INPP5F: variants seen among roughly 807,000 people sequenced by gnomAD.
INPP5F encodes inositol polyphosphate-5-phosphatase F, also known as phosphatidylinositide 4-phosphatase SAC2.
A neutral mutation model predicts 137.2 loss-of-function variants in INPP5F; 97 were observed. The ratio of observed to expected loss-of-function variants is 0.71; its 90% confidence interval spans 0.60 to 0.84. The LOEUF is 0.84. INPP5F is among the 40% of genes least tolerant of loss of function. INPP5F has a pLI of 0.00. For synonymous variants in INPP5F, 504 were observed against 476.9 expected (o/e 1.06, Z -0.74); for missense variants, 1,271 against 1,371.9 (o/e 0.93, Z 1.16).
chr10:119,789,455 C>G (rs1281680709), intron 3 of INPP5F, among the ~76,000 whole-genome samples: 1 of 152,124 alleles, frequency 6.6e-6, no homozygotes, highest in Non-Finnish European at 1.5e-5. Flanking sequence ...TTTAAAACTG[C>G]TGCTCTGCTG....
chr10:119,819,448 C>T, intron 15 of INPP5F: 1 of 1,554,240 alleles, frequency 6.4e-7, no homozygotes, highest in Non-Finnish European at 8.7e-7. Context: ...ATGAAAGTAA[C>T]ACTGTAATTA....
chr10:119,810,746 A>G (rs1194119431), intron 14 of INPP5F, among the ~76,000 whole-genome samples: 3 of 152,234 alleles, frequency 2.0e-5, no homozygotes, highest in Admixed American at 2.0e-4. Context: ...ATTGCCCAGT[A>G]GAATGTATGC....
chr10:119,792,912 C>T (rs1850199818), intron 6 of INPP5F, among the ~76,000 whole-genome samples: 1 of 152,022 alleles, frequency 6.6e-6, no homozygotes, highest in Non-Finnish European at 1.5e-5. Flanking sequence ...AAATTTCACA[C>T]CTTTTCCTTT....
chr10:119,745,236 C>T (rs940932001), intron 1 of INPP5F, among the ~76,000 whole-genome samples: 2 of 152,234 alleles, frequency 1.3e-5, no homozygotes, highest in South Asian at 4.2e-4. Flanking sequence ...CACATAGCTT[C>T]TTTTGAGGAC....
At position 119,827,049 on chromosome 10, in the gene INPP5F, C is replaced by T. The variant is rs1169450936; in HGVS notation, c.2668C>T (p.Pro890Ser). 1 of 1,613,872 alleles carries T rather than the reference C, an allele frequency of 6.2e-7. No individual in the cohort carries two copies. The highest frequency in any genetic ancestry group is 8.5e-7 in the Non-Finnish European group (1 of 1,179,980). Reference sequence around the variant, plus strand: ...TGTAGGGCCAATAGATTACGTTCTTCCTAGTTGTGGTATTATTGCCTCAGC... The same window carrying T: ...TGTAGGGCCAATAGATTACGTTCTTTCTAGTTGTGGTATTATTGCCTCAGC... ...ESVGPIDYVL[P>S]SCGIIASAPR... Residue 890 changes from proline to serine, a missense_variant, in exon 20 of 20, where the codon CCT (proline) becomes TCT (serine). By Grantham distance (74) the Pro-to-Ser change is moderately conservative (BLOSUM62 -1). Around this residue, in one of 6 missense-constraint regions of INPP5F, gnomAD observed 490 missense variants for 443.7 expected, o/e 1.10. Coordinates refer to ENST00000650623, the MANE Select transcript of INPP5F (RefSeq NM_014937.4).
At chr10:119,757,017 C>T (rs530576541) in intron 2 of INPP5F, among the ~76,000 whole-genome samples, 32 of 152,112 alleles carry the variant, frequency 2.1e-4, no homozygotes, top group Non-Finnish European at 4.0e-4. Context: ...GTCTGTCTTC[C>T]GACAACTCAA....
intron 19 of INPP5F, among the ~76,000 whole-genome samples, chr10:119,825,507 G>T (rs978896833): frequency 6.6e-6 from 1 of 152,096 alleles, no homozygotes; most frequent in Admixed American, 6.6e-5. Context: ...CAAGAGAACC[G>T]GTCTGAGAGC....
At chr10:119,797,401 C>A in intron 7 of INPP5F, 60 bp from the exon 8 acceptor site, 1 of 1,312,936 alleles carries the variant, frequency 7.6e-7, no homozygotes, top group Non-Finnish European at 1.1e-6. Context: ...GAAGCATAAT[C>A]TAGCCAGACT....
At chr10:119,822,257 ATTC>A (rs1224190720) in intron 16 of INPP5F, among the ~76,000 whole-genome samples, 171 bp from the exon 17 acceptor site, 1 of 152,104 alleles carries the variant, frequency 6.6e-6, no homozygotes, top group East Asian at 1.9e-4. Context: ...TATATATGTT[ATTC>A]TTGTTTAATT....
In INPP5F at chr10:119,734,187, T is replaced by C. The variant is rs534247052; in HGVS notation, c.97+7828T>C. 1.2e-4 allele frequency among the ~76,000 whole-genome samples: 18 copies of C among 152,346 alleles called. No homozygotes were observed. In the South Asian group the frequency reaches 3.3e-3, roughly 28 times the overall value. ...GGACCCATAGACATCTTTGTTTTTTTCCAAACCGGCCCTTGTGCAGAGAAG... is the reference window on the plus strand; with the variant it reads ...GGACCCATAGACATCTTTGTTTTTTCCCAAACCGGCCCTTGTGCAGAGAAG... On this transcript the variant is annotated intron_variant, in intron 1 of 19. Transcript: ENST00000650623.
intron 2 of INPP5F, among the ~76,000 whole-genome samples, chr10:119,777,546 T>C (rs748005294): frequency 3.3e-5 from 5 of 151,952 alleles, no homozygotes; most frequent in Non-Finnish European, 7.4e-5. Context: ...ATAAATAAAA[T>C]AATATAAGTT....
intron 1 of INPP5F, among the ~76,000 whole-genome samples, chr10:119,728,974 A>C (rs1847971113): frequency 6.6e-6 from 1 of 152,088 alleles, no homozygotes; most frequent in Non-Finnish European, 1.5e-5. Flanking sequence ...TTTACTCCTC[A>C]TCTTGGTGTC....
chr10:119,781,519 T>C, intron 2 of INPP5F, 116 bp from the exon 3 acceptor site: 1 of 861,594 alleles, frequency 1.2e-6, no homozygotes, highest in East Asian at 2.8e-5. Context: ...ACTTTAAAAG[T>C]TTATTTTGGA....
intron 11 of INPP5F, 98 bp downstream of exon 11, chr10:119,805,559 T>A: frequency 2.3e-6 from 2 of 858,306 alleles, no homozygotes; most frequent in South Asian, 3.0e-5. Flanking sequence ...GACAGCATTT[T>A]TTTTTGTTCG....
chr10:119,754,799 C>T lies in INPP5F; in HGVS notation c.178+3643C>T, dbSNP rs138744133. Among the ~76,000 whole-genome samples, 396 of 152,200 alleles carry T rather than the reference C, an allele frequency of 2.6e-3. 1 individual carries two copies. Among genetic ancestry groups the T allele is most frequent in the African/African-American group, 8.7e-3 (361 of 41,508 alleles). ...CATCTGTCCTCAGGGATGCCTCCTC[C>T]TCTCCTCTCCCTGCCCCCGATTAAA... On this transcript the variant is annotated intron_variant, in intron 2 of 19. Transcript: ENST00000650623.
rs1851048134 is a variant in INPP5F, at chr10:119,811,871, A to C, written c.1802A>C (p.Gln601Pro). The C allele has an allele frequency of 6.2e-6, 10 of 1,614,198 alleles. No homozygotes were observed. The highest frequency in any genetic ancestry group is 1.3e-5 in the African/African-American group (1 of 75,052). ...NQRSHQELIS[Q>P]LLQSYMKLLL... ...AGAAGCCACCAGGAACTAATTAGCC[A>C]GCTCTTACAAAGTTACATGAAGTTA... The change falls in exon 15 of 20, where the codon CAG (glutamine) becomes CCG (proline). Residue 601 changes from glutamine (Q) to proline (P), a missense_variant. Coordinates refer to ENST00000650623, the MANE Select transcript of INPP5F (RefSeq NM_014937.4).
intron 17 of INPP5F, among the ~76,000 whole-genome samples, chr10:119,822,830 A>G (rs1851617326): frequency 6.6e-6 from 1 of 152,230 alleles, no homozygotes; most frequent in Non-Finnish European, 1.5e-5. Flanking sequence ...TGGTCTTATC[A>G]TAATAACTGT....
chr10:119,777,321 A>C (rs1849556609), intron 2 of INPP5F, among the ~76,000 whole-genome samples: 1 of 152,122 alleles, frequency 6.6e-6, no homozygotes, highest in African/African-American at 2.4e-5. Flanking sequence ...CAGCCTGGCC[A>C]ATATGGTGAA....
chr10:119,818,802 A>G (rs1851409786), intron 15 of INPP5F: 1 of 152,250 alleles, frequency 6.6e-6, no homozygotes, highest in South Asian at 2.1e-4. Context: ...AGACGGACGG[A>G]CTGACTGACG....
Sources: gnomAD v4.1 joint callset for allele counts (sites outside exome capture counted in the v4.1 genomes callset) on GRCh38, gnomAD v4.1.1 for gene constraint, gnomAD v4.1.1 regional missense constraint, MANE v1.5 for transcripts, NCBI Gene and HGNC (gene_info 2026-07-23, HGNC 2026-07-21) for gene names.